FUS: variants seen among roughly 807,000 people sequenced by gnomAD.
FUS encodes RNA-binding protein FUS.
In FUS, 5 loss-of-function variants were observed where a neutral mutation model predicts 82.7. The ratio of observed to expected loss-of-function variants is 0.06; its 90% CI spans 0.03 to 0.13. The LOEUF (loss-of-function observed/expected upper bound fraction) is 0.13. Ranked by LOEUF, FUS falls within the 10% of genes least tolerant of loss-of-function variation. The pLI, the probability that FUS is intolerant of heterozygous loss-of-function variation, is 1.00. For missense variants in FUS, 512 were observed against 707.8 expected, an observed-to-expected ratio of 0.72 and a Z score of 3.14; for synonymous variants, 281 against 247.4, an observed-to-expected ratio of 1.14 and a Z score of -1.27.
chr16:31,182,252 A>C (rs542891088), intron 1 of FUS, 146 bp from the exon 2 acceptor site: 3 of 965,178 alleles, frequency 3.1e-6, no homozygotes, highest in Non-Finnish European at 5.0e-6. Flanking sequence ...CGGCCTCCCA[A>C]ACTGCTGGGA....
downstream of FUS, chr16:31,193,459 G>T (rs1235979668): frequency 3.8e-6 from 2 of 527,716 alleles, no homozygotes; most frequent in South Asian, 1.5e-5. Flanking sequence ...CACTGTTGGT[G>T]CTTTGCCTAG....
At chr16:31,190,481 C>A in intron 12 of FUS, 83 bp downstream of exon 12, 1 of 1,595,096 alleles carries the variant, frequency 6.3e-7, no homozygotes, top group South Asian at 1.1e-5. Flanking sequence ...GCGTGTTTTC[C>A]AAAGAAGTAA....
At chr16:31,187,329 CAATG>C (rs2079285579) in intron 7 of FUS, 1 of 258,150 alleles carries the variant, frequency 3.9e-6, no homozygotes, top group East Asian at 5.3e-5. Context: ...GGAATGGTGT[CAATG>C]AATGCAATTC....
chr16:31,185,219 G>A (rs756351215), intron 6 of FUS, 40 bp downstream of exon 6: 1 of 1,573,122 alleles, frequency 6.4e-7, no homozygotes, highest in East Asian at 2.3e-5. Flanking sequence ...TTGGTGGGGA[G>A]TGTGGAGGAT....
downstream of FUS, chr16:31,192,069 T>C (rs1278267999): frequency 3.8e-6 from 2 of 532,738 alleles, no homozygotes; most frequent in Admixed American, 4.4e-5. Flanking sequence ...TGCAGGAGTT[T>C]GTGGAGTGGA....
intron 6 of FUS, 160 bp downstream of exon 6, chr16:31,185,339 AT>A: frequency 1.2e-6 from 1 of 866,984 alleles, no homozygotes; most frequent in Non-Finnish European, 1.7e-6. Flanking sequence ...TTACATCCCC[AT>A]TTTATTTTTG....
At chr16:31,188,482 G>A (rs993017928) in intron 8 of FUS, 125 bp downstream of exon 8, 2 of 1,004,374 alleles carry the variant, frequency 2.0e-6, no homozygotes, top group Non-Finnish European at 3.2e-6. Flanking sequence ...AGGGAGTTAG[G>A]TGTGTCCTTA....
Position 31,182,627 on chromosome 16 carries a change from C to A in FUS, c.153C>A (p.Gly51=). 1 of 1,614,092 alleles carries A rather than the reference C, an allele frequency of 6.2e-7. No homozygotes were observed. Among genetic ancestry groups the A allele is most frequent in the South Asian group, 1.1e-5 (1 of 91,070 alleles). ...AGTCCACGGACACTTCAGGCTATGG[C>A]CAGAGCAGCTATTCTTCTTATGGCC... is the stretch of plus-strand genomic sequence containing the variant. The part of the protein sequence containing the change: ...YSQSTDTSGY[G]QSSYSSYGQS... The change falls in exon 3 of 15, where the codon GGC becomes GGA. Residue 51 remains glycine (G), a synonymous_variant. Coordinates refer to ENST00000254108, the MANE Select transcript of FUS (RefSeq NM_004960.4).
chr16:31,188,777 T>C, intron 8 of FUS: 1 of 469,328 alleles, frequency 2.1e-6, no homozygotes, highest in East Asian at 3.8e-5. Flanking sequence ...GTACTAGATT[T>C]GAATGTAAAA....
Position 31,185,012 on chromosome 16 carries a change from G to C in FUS, c.597G>C (p.Gln199His), listed in dbSNP as rs777170593. Residue 199 changes from glutamine (Q) to histidine (H), a missense_variant, in exon 6 of 15, where the codon CAG becomes CAC. Gln to His is a conservative substitution (Grantham distance 24). Coordinates refer to ENST00000254108, the MANE Select transcript of FUS (RefSeq NM_004960.4). ...GTGGCGGTTATGGCAATCAAGACCA[G>C]AGTGGTGGAGGTGGCAGCGGTGGCT... ...GSGGGYGNQD[Q>H]SGGGGSGGYG... The C allele has an allele frequency of 1.9e-6, 3 of 1,613,418 alleles. No homozygotes were observed. The highest frequency in any genetic ancestry group is 2.5e-6 in the Non-Finnish European group (3 of 1,179,766).
intron 9 of FUS, 75 bp downstream of exon 9, chr16:31,189,301 T>C: frequency 9.0e-7 from 1 of 1,107,580 alleles, no homozygotes; most frequent in Admixed American, 1.7e-5. Context: ...TAAAAGCAAG[T>C]CTTTAATGGT....
intron 6 of FUS, chr16:31,185,415 G>A (rs1355796705): frequency 9.3e-6 from 6 of 645,312 alleles, no homozygotes; most frequent in Middle Eastern, 3.0e-4. Context: ...AATGATACTT[G>A]TTTCCAAAAA....
At position 31,190,984 on chromosome 16, in the gene FUS, G is replaced by T; in HGVS notation, c.1415G>T (p.Arg472Leu). The part of the protein sequence containing the change: ...SHMGGNYGDD[R>L]RGGRGGYDRG... ...CTAGGGGGTAACTACGGGGATGATCGTCGTGGTGGCAGAGGAGGCTATGAT... is the reference window on the plus strand; with the variant it reads ...CTAGGGGGTAACTACGGGGATGATCTTCGTGGTGGCAGAGGAGGCTATGAT... The change falls in exon 14 of 15, where the codon CGT becomes CTT. Residue 472 changes from arginine (R) to leucine (L), a missense_variant. Arg to Leu is a moderately radical substitution (Grantham distance 102). This residue lies in a region of FUS where 96 missense variants were observed against 120.7 expected (regional missense o/e 0.80). Transcript: ENST00000254108. 6.2e-7 allele frequency: 1 copy of T among 1,613,522 alleles called. No homozygotes were observed. Among genetic ancestry groups the T allele is most frequent in the Non-Finnish European group, 8.5e-7 (1 of 1,179,650 alleles).
chr16:31,187,647 C>T (rs767172554), intron 7 of FUS: 3 of 231,880 alleles, frequency 1.3e-5, no homozygotes, highest in African/African-American at 6.6e-5. Flanking sequence ...GGTGTCATTG[C>T]GTGTGGGTAC....
chr16:31,182,660 G>C lies in FUS; in HGVS notation c.186G>C (p.Gln62His). ...QSSYSSYGQS[Q>H]NTGYGTQSTP... ...GCTATTCTTCTTATGGCCAGAGCCA[G>C]AACAGTGAGTCTTTCTCAGCGGGTC... Residue 62 changes from glutamine (Q) to histidine (H), a missense_variant, in exon 3 of 15, where the codon CAG becomes CAC. Transcript: ENST00000254108. The C allele has an allele frequency of 6.2e-7, 1 of 1,614,240 alleles. No homozygotes were observed. The highest frequency in any genetic ancestry group is 8.5e-7 in the Non-Finnish European group (1 of 1,180,048).
At chr16:31,192,825 G>A, downstream of FUS, 1 of 482,564 alleles carries the variant, frequency 2.1e-6, no homozygotes, top group South Asian at 1.5e-5. Context: ...ACCTGCCTTG[G>A]CCTCCCAAAG....
intron 6 of FUS, chr16:31,186,254 G>T (rs2079268109): frequency 3.8e-6 from 1 of 260,536 alleles, no homozygotes; most frequent in Non-Finnish European, 7.5e-6. Flanking sequence ...GGGGTTGGGG[G>T]AGATCAAAAA....
In FUS at chr16:31,180,945, C is replaced by T. The variant is rs539372277; in HGVS notation, c.13+718C>T. On this transcript the variant is annotated intron_variant, in intron 1 of 14. Coordinates refer to ENST00000254108, the MANE Select transcript of FUS (RefSeq NM_004960.4). Reference sequence around the variant, plus strand: ...TTTTTTTTTTGGAGACACGGTCTTCCTCTGTCGCCCAGGCTGGAGTGCAGT... The same window carrying T: ...TTTTTTTTTTGGAGACACGGTCTTCTTCTGTCGCCCAGGCTGGAGTGCAGT... 4.6e-5 allele frequency among the ~76,000 whole-genome samples: 7 copies of T among 152,164 alleles called. No individual in the cohort carries two copies. The East Asian group carries it at 5.8e-4, about 13-fold the overall frequency.
Position 31,191,534 on chromosome 16 carries a change from G to C in FUS, c.*96G>C, listed in dbSNP as rs751094189. ...CCTTCCAATTCCTGATCACCCAAGG[G>C]TTTTTTTGTGTCGGACTATGTAATT... On this transcript the variant is annotated 3_prime_UTR_variant, in exon 15 of 15. Transcript: ENST00000254108. 7.5e-7 allele frequency: 1 copy of C among 1,328,324 alleles called. No individual in the cohort carries two copies. Among genetic ancestry groups the C allele is most frequent in the African/African-American group, 1.4e-5 (1 of 68,968 alleles). 82.3% of individuals were successfully genotyped at this position (1,328,324 alleles called of 1,614,324 possible).
Sources: gnomAD v4.1 joint callset for allele counts (sites outside exome capture counted in the v4.1 genomes callset) on GRCh38, gnomAD v4.1.1 for gene constraint, gnomAD v4.1.1 regional missense constraint, MANE v1.5 for transcripts, NCBI Gene and HGNC (gene_info 2026-07-23, HGNC 2026-07-21) for gene names.